Variants in ADCY2 observed in about 807,000 individuals in gnomAD.
ADCY2 encodes the protein adenylate cyclase 2, also known as adenylate cyclase type 2.
ADCY2 carries 31 observed loss-of-function variants against 125.2 expected under a neutral mutation model. That is an observed-to-expected ratio of 0.25 (90% CI 0.19 to 0.33). ADCY2 has a LOEUF of 0.33. Among genes scored for constraint, ADCY2 ranks in the 10% least tolerant of loss-of-function variants. The pLI, the probability that ADCY2 is intolerant of heterozygous loss-of-function variation, is 1.00. For missense variants in ADCY2, 904 were observed against 1,418.2 expected, an observed-to-expected ratio of 0.64 and a Z score of 5.82; for synonymous variants, 512 against 548.4, an observed-to-expected ratio of 0.93 and a Z score of 0.93.
intron 3 of ADCY2, among the ~76,000 whole-genome samples, chr5:7,555,299 T>A (rs1364407909): frequency 6.6e-6 from 1 of 152,238 alleles, no homozygotes; most frequent in Non-Finnish European, 1.5e-5. Flanking sequence ...TGCTACATAT[T>A]TGAATGTTTG....
intron 14 of ADCY2, among the ~76,000 whole-genome samples, chr5:7,739,068 G>A (rs930594791): frequency 2.6e-5 from 4 of 151,724 alleles, no homozygotes; most frequent in Admixed American, 2.0e-4. Context: ...ACTAATTAAT[G>A]TTTCATAAAA....
intron 11 of ADCY2, among the ~76,000 whole-genome samples, chr5:7,715,138 T>A (rs1741557506): frequency 2.0e-5 from 3 of 152,102 alleles, no homozygotes; most frequent in Admixed American, 2.0e-4. Context: ...ATGGCAGAGG[T>A]CACAAGACTG....
intron 3 of ADCY2, among the ~76,000 whole-genome samples, chr5:7,547,900 T>C (rs553002673): frequency 2.6e-5 from 4 of 152,212 alleles, no homozygotes; most frequent in Admixed American, 6.5e-5. Flanking sequence ...GTGAAGCCCA[T>C]GGACAGCATT....
rs76006417 is a variant in ADCY2, at chr5:7,760,800, C to T, written c.2094+3214C>T. Reference sequence around the variant, plus strand: ...CTACTCCCTCAGCAAATCTTAAATACAACAGAATATTATTAACTAAGTCCT... The same window carrying T: ...CTACTCCCTCAGCAAATCTTAAATATAACAGAATATTATTAACTAAGTCCT... On this transcript the variant is annotated intron_variant, in intron 16 of 24. Transcript: ENST00000338316. 4.6e-3 allele frequency among the ~76,000 whole-genome samples: 699 copies of T among 152,236 alleles called. 9 individuals carry two copies. Among genetic ancestry groups the T allele is most frequent in the African/African-American group, 0.016 (652 of 41,530 alleles).
At chr5:7,697,545 TG>T (rs1740934375) in intron 6 of ADCY2, among the ~76,000 whole-genome samples, 2 of 152,160 alleles carry the variant, frequency 1.3e-5, no homozygotes, top group African/African-American at 4.8e-5. Flanking sequence ...TTGGGAAGTA[TG>T]GGAGGGAAGC....
At chr5:7,624,219 G>A (rs1738048837) in intron 3 of ADCY2, among the ~76,000 whole-genome samples, 1 of 151,210 alleles carries the variant, frequency 6.6e-6, no homozygotes, top group Non-Finnish European at 1.5e-5. Flanking sequence ...ACTTGAGGAG[G>A]CTAATAATTA....
At chr5:7,686,185 G>A (rs1178534607) in intron 4 of ADCY2, among the ~76,000 whole-genome samples, 1 of 152,096 alleles carries the variant, frequency 6.6e-6, no homozygotes, top group Non-Finnish European at 1.5e-5. Context: ...TAAAATTTAA[G>A]TACAAGTCTT....
chr5:7,723,718 C>T (rs1350747270), intron 12 of ADCY2, among the ~76,000 whole-genome samples: 1 of 151,860 alleles, frequency 6.6e-6, no homozygotes, highest in African/African-American at 2.4e-5. Flanking sequence ...GTTGGGAGTT[C>T]ACGACCAGCC....
intron 15 of ADCY2, among the ~76,000 whole-genome samples, chr5:7,747,246 A>G (rs1283938175): frequency 6.6e-6 from 1 of 152,114 alleles, no homozygotes; most frequent in Non-Finnish European, 1.5e-5. Context: ...ATACCTTGAA[A>G]CTGCACCAAG....
rs1561180749 is a variant in ADCY2 at position 7,709,420 on chromosome 5, C to A, written c.1578+33C>A. 2 of 1,523,458 alleles carry A rather than the reference C, an allele frequency of 1.3e-6. No individual in the cohort carries two copies. The highest frequency in any genetic ancestry group is 1.8e-6 in the Non-Finnish European group (2 of 1,136,036). 94.4% of individuals were successfully genotyped at this position (1,523,458 alleles called of 1,614,324 possible). A position where few individuals can be genotyped will look rare whatever the true frequency, so the allele number is the denominator to read the frequency against. On this transcript the variant is annotated intron_variant, in intron 10 of 24. Transcript: ENST00000338316. This position sits in a 1 kb window ranked among gnomAD's most constrained non-coding sequence, Gnocchi z 4.4. ...CTCCCCTGCCTCCAATGCCTGAGCA[C>A]TGGGGGAAAGCTAACTTCCCAAAAC...
intron 4 of ADCY2, among the ~76,000 whole-genome samples, chr5:7,674,951 C>G (rs955158509): frequency 6.6e-6 from 1 of 152,020 alleles, no homozygotes; most frequent in Non-Finnish European, 1.5e-5. Flanking sequence ...GTCAGGAGAT[C>G]GAGACCATCC....
At chr5:7,692,567 A>G (rs1740737495) in intron 5 of ADCY2, among the ~76,000 whole-genome samples, 2 of 152,332 alleles carry the variant, frequency 1.3e-5, no homozygotes, top group East Asian at 1.9e-4. Flanking sequence ...ACATTTACTT[A>G]TCTAAGTGTA....
At chr5:7,497,006 C>T (rs1344465982) in intron 2 of ADCY2, among the ~76,000 whole-genome samples, 1 of 152,140 alleles carries the variant, frequency 6.6e-6, no homozygotes, top group Non-Finnish European at 1.5e-5. Context: ...CCCAACTACA[C>T]TTGAATTGTT....
chr5:7,821,933 C>T (rs900388268), intron 24 of ADCY2, among the ~76,000 whole-genome samples: 2 of 152,054 alleles, frequency 1.3e-5, no homozygotes, highest in Non-Finnish European at 2.9e-5. Flanking sequence ...GTTTGAGGTT[C>T]CCCCGGTGAA....
chr5:7,584,024 A>T (rs1389166854), intron 3 of ADCY2, among the ~76,000 whole-genome samples: 1 of 152,168 alleles, frequency 6.6e-6, no homozygotes, highest in Non-Finnish European at 1.5e-5. Context: ...GATGAAAAAT[A>T]GCAGAAAAGT....
Position 7,819,992 on chromosome 5 carries a change from G to A in ADCY2, c.2999-573G>A, listed in dbSNP as rs904993373. 9.8e-5 allele frequency among the ~76,000 whole-genome samples: 15 copies of A among 152,330 alleles called. No homozygotes were observed. In the East Asian group the frequency reaches 1.9e-3, roughly 20 times the overall value. On this transcript the variant is annotated intron_variant, in intron 23 of 24. Coordinates refer to ENST00000338316, the MANE Select transcript of ADCY2 (RefSeq NM_020546.3). Reference sequence around the variant, plus strand: ...AGCTGACAGATGCAAGGCTGGAACCGCAGGCCAGTGTCCAGCGGCTGACCC... The same window carrying A: ...AGCTGACAGATGCAAGGCTGGAACCACAGGCCAGTGTCCAGCGGCTGACCC...
chr5:7,700,574 G>A (rs2126334791), intron 7 of ADCY2, among the ~76,000 whole-genome samples: 1 of 151,512 alleles, frequency 6.6e-6, no homozygotes, highest in African/African-American at 2.4e-5. Context: ...CAGGATTAAA[G>A]TAGAAAGGGC....
At chr5:7,483,510 G>A (rs1199567654) in intron 2 of ADCY2, among the ~76,000 whole-genome samples, 1 of 152,136 alleles carries the variant, frequency 6.6e-6, no homozygotes, top group African/African-American at 2.4e-5. Context: ...TGAATGTCAT[G>A]TAAAAATGTA....
chr5:7,459,997 A>G (rs1444104716), intron 2 of ADCY2, among the ~76,000 whole-genome samples: 1 of 151,832 alleles, frequency 6.6e-6, no homozygotes, highest in African/African-American at 2.4e-5. Context: ...GGTGTTAGCC[A>G]GGATGGTCTG....
Sources: gnomAD v4.1 joint callset for allele counts (sites outside exome capture counted in the v4.1 genomes callset) on GRCh38, gnomAD v4.1.1 for gene constraint, Gnocchi (gnomAD v3.1) non-coding constraint, MANE v1.5 for transcripts, NCBI Gene and HGNC (gene_info 2026-07-23, HGNC 2026-07-21) for gene names.